The following AFDN variants were observed in gnomAD, a reference collection of about 807,000 sequenced individuals.
AFDN encodes the protein afadin, adherens junction formation factor.
A neutral mutation model predicts 216.6 loss-of-function variants in AFDN; 68 were observed. The ratio of observed to expected loss-of-function variants is 0.31; its 90% confidence interval spans 0.26 to 0.38. AFDN has a LOEUF of 0.38. Ranked by LOEUF, AFDN falls within the 10% of genes least tolerant of loss-of-function variation. The pLI is 1.00. For missense variants in AFDN, 2,136 were observed against 2,342.0 expected, an observed-to-expected ratio of 0.91 and a Z score of 1.82; for synonymous variants, 868 against 853.7, an observed-to-expected ratio of 1.02 and a Z score of -0.29.
intron 24 of AFDN, 88 bp downstream of exon 24, chr6:167,943,282 G>A (rs919040930): frequency 1.4e-6 from 2 of 1,423,034 alleles, no homozygotes; most frequent in South Asian, 2.3e-5. Flanking sequence ...TTCTAGTTAT[G>A]TAGCACTATA....
At chr6:167,916,040 T>C (rs752695498) in intron 19 of AFDN, among the ~76,000 whole-genome samples, 2 of 152,200 alleles carry the variant, frequency 1.3e-5, no homozygotes, top group Non-Finnish European at 2.9e-5. Context: ...TCCACAGCCC[T>C]GGAGGCCAGA....
At chr6:167,878,055 T>C (rs1785605950) in intron 5 of AFDN, among the ~76,000 whole-genome samples, 1 of 152,206 alleles carries the variant, frequency 6.6e-6, no homozygotes, top group Admixed American at 6.5e-5. Context: ...AATACTCTAC[T>C]ACCATTTATT....
In AFDN at chr6:167,889,266, A is replaced by G; in HGVS notation, c.949A>G (p.Ile317Val). Reference sequence around the variant, plus strand: ...TTCTGATGAAAAGGGTGCTAAAGAAATTATTCTTGATGATGATGAGTGTCC... The same window carrying G: ...TTCTGATGAAAAGGGTGCTAAAGAAGTTATTCTTGATGATGATGAGTGTCC... The part of the protein sequence containing the change: ...QHSDEKGAKE[I>V]ILDDDECPLQ... Residue 317 changes from isoleucine (I) to valine (V), a missense_variant, in exon 7 of 34, where the codon ATT (isoleucine) becomes GTT (valine). Transcript: ENST00000683244. 3 of 1,614,128 alleles carry G rather than the reference A, an allele frequency of 1.9e-6. No homozygotes were observed. Among genetic ancestry groups the G allele is most frequent in the Non-Finnish European group, 2.5e-6 (3 of 1,179,986 alleles).
At chr6:167,914,436 G>A in intron 17 of AFDN, 123 bp downstream of exon 17, 1 of 1,325,378 alleles carries the variant, frequency 7.5e-7, no homozygotes, top group South Asian at 1.5e-5. Flanking sequence ...ATATAAAGAA[G>A]CATACATTTT....
At chr6:167,964,640 G>A (rs1797360273) in intron 31 of AFDN, 1 of 1,063,580 alleles carries the variant, frequency 9.4e-7, no homozygotes, top group Non-Finnish European at 1.1e-6. Context: ...GTGTGTGTGT[G>A]TGTGTGTGTG....
Position 167,889,285 on chromosome 6 carries a change from A to T in AFDN, c.968A>T (p.Glu323Val), listed in dbSNP as rs1038659330. 1.9e-5 allele frequency: 31 copies of T among 1,613,884 alleles called. No homozygotes were observed. In the Admixed American group the frequency reaches 4.8e-4, roughly 25 times the overall value. Residue 323 changes from glutamate to valine, a missense_variant, in exon 7 of 34, where the codon GAG becomes GTG. Physicochemically the swap from Glu to Val is moderately radical, Grantham distance 121 (BLOSUM62 -2). This residue lies in a region of AFDN where 817 missense variants were observed against 965.7 expected (regional missense o/e 0.85). Coordinates refer to ENST00000683244, the MANE Select transcript of AFDN (RefSeq NM_001386888.1). ...GAKEIILDDD[E>V]CPLQIFREWP... is the part of the protein sequence containing the mutation. ...AAAGAAATTATTCTTGATGATGATG[A>T]GTGTCCTTTACAAATCTTCAGGGAA...
At chr6:167,894,788 T>C (rs1229986427) in intron 9 of AFDN, among the ~76,000 whole-genome samples, 1 of 152,216 alleles carries the variant, frequency 6.6e-6, no homozygotes, top group African/African-American at 2.4e-5. Context: ...AATCTGTTGA[T>C]GTAGAAAGGT....
chr6:167,895,349 T>C (rs767228343), intron 9 of AFDN, among the ~76,000 whole-genome samples: 17 of 152,230 alleles, frequency 1.1e-4, no homozygotes, highest in Non-Finnish European at 1.9e-4. Context: ...ACTCAGCAGG[T>C]CTAGAAGGGA....
intron 30 of AFDN, among the ~76,000 whole-genome samples, chr6:167,960,836 G>GC (rs1796964984): frequency 6.6e-6 from 1 of 152,140 alleles, no homozygotes; most frequent in Non-Finnish European, 1.5e-5. Context: ...CCTGCTATAA[G>GC]CCCCCTAAAA....
chr6:167,952,239 TC>T (rs1186670833), intron 30 of AFDN, 52 bp downstream of exon 30: 1 of 1,612,890 alleles, frequency 6.2e-7, no homozygotes, highest in Admixed American at 1.7e-5. Flanking sequence ...TATTTTAGCT[TC>T]TGCGTGTTTC....
chr6:167,861,558 G>T (rs1319453236), intron 1 of AFDN, among the ~76,000 whole-genome samples: 9 of 152,046 alleles, frequency 5.9e-5, no homozygotes, highest in Non-Finnish European at 1.3e-4. Context: ...TTTTATGTTT[G>T]CAGTTTCCTT....
Position 167,896,891 on chromosome 6 carries a change from T to C in AFDN, c.1236T>C (p.Ser412=), listed in dbSNP as rs778500475. The C allele has an allele frequency of 4.3e-6, 7 of 1,612,178 alleles. No homozygotes were observed. The highest frequency in any genetic ancestry group is 1.1e-5 in the South Asian group (1 of 91,016). ...CTCTTCTCACAGATGGTTCTGACTC[T>C]AGAGATAAGCCAAAGCTTTACCGCC... ...NYHTYEDGSD[S]RDKPKLYRLQ... The change falls in exon 10 of 34, where the codon TCT becomes TCC. Residue 412 remains serine (S), a synonymous_variant. Coordinates refer to ENST00000683244, the MANE Select transcript of AFDN (RefSeq NM_001386888.1).
intron 1 of AFDN, among the ~76,000 whole-genome samples, chr6:167,830,130 A>G (rs1416843539): frequency 6.6e-6 from 1 of 152,192 alleles, no homozygotes; most frequent in African/African-American, 2.4e-5. Context: ...AAGTATGTAT[A>G]GTCCCTCCTT....
intron 1 of AFDN, among the ~76,000 whole-genome samples, chr6:167,853,208 A>T (rs1192470690): frequency 6.6e-6 from 1 of 151,954 alleles, no homozygotes; most frequent in Non-Finnish European, 1.5e-5. Flanking sequence ...GCTTTTACTT[A>T]ATTTATTTAA....
intron 1 of AFDN, among the ~76,000 whole-genome samples, chr6:167,837,743 C>T (rs1219476336): frequency 6.6e-6 from 1 of 152,138 alleles, no homozygotes; most frequent in African/African-American, 2.4e-5. Context: ...ACTAGTAAGC[C>T]ACAGAGCAGT....
intron 26 of AFDN, 28 bp from the exon 27 acceptor site, chr6:167,946,677 TAA>T (rs769836944): frequency 3.1e-6 from 5 of 1,595,194 alleles, no homozygotes; most frequent in Non-Finnish European, 3.4e-6. Flanking sequence ...AATAAAATCT[TAA>T]GAGATACTGA....
rs550269803 is a variant in AFDN, at chr6:167,938,326, A to C, written c.3100-4803A>C. The stretch of plus-strand genomic sequence containing the variant: ...GACGAGAGAGGTTCATGGAGCTGTG[A>C]ATAACTTATGCAGGAAGCTGCTGTG... On this transcript the variant is annotated intron_variant, in intron 23 of 33. Coordinates refer to ENST00000683244, the MANE Select transcript of AFDN (RefSeq NM_001386888.1). Among the ~76,000 whole-genome samples, 8 of 152,300 alleles carry C rather than the reference A, an allele frequency of 5.3e-5. No individual in the cohort carries two copies. In the South Asian group the frequency reaches 1.7e-3, roughly 32 times the overall value.
At position 167,929,711 on chromosome 6, in the gene AFDN, G is replaced by A. The variant is rs186221487; in HGVS notation, c.3099+4620G>A. On this transcript the variant is annotated intron_variant, in intron 23 of 33. Coordinates refer to ENST00000683244, the MANE Select transcript of AFDN (RefSeq NM_001386888.1). ...AGACGGGAAGAGGTAGAGAGTGGCTGGAAAGGCCCTGCTCTTCCCTTTGCT... is the reference window on the plus strand; with the variant it reads ...AGACGGGAAGAGGTAGAGAGTGGCTAGAAAGGCCCTGCTCTTCCCTTTGCT... Among the ~76,000 whole-genome samples the A allele has an allele frequency of 4.9e-3, 743 of 152,336 alleles. 1 individual carries two copies. Among genetic ancestry groups the A allele is most frequent in the Middle Eastern group, 6.8e-3 (2 of 294 alleles).
Position 167,918,938 on chromosome 6 carries a change from A to G in AFDN, c.2908+5A>G, listed in dbSNP as rs753004136. 6.2e-7 allele frequency: 1 copy of G among 1,610,740 alleles called. No individual in the cohort carries two copies. The highest frequency in any genetic ancestry group is 1.7e-5 in the Admixed American group (1 of 59,874). ...TAGACCCTCTGTGCCAGAGAGGTAA[A>G]TTAGTCTAAATGCCTGAGTCTGAGC... On this transcript the variant is annotated splice_donor_5th_base_variant and intron_variant, in intron 21 of 33. Transcript: ENST00000683244.
Sources: gnomAD v4.1 joint callset for allele counts (sites outside exome capture counted in the v4.1 genomes callset) on GRCh38, gnomAD v4.1.1 for gene constraint, gnomAD v4.1.1 regional missense constraint, MANE v1.5 for transcripts, NCBI Gene and HGNC (gene_info 2026-07-23, HGNC 2026-07-21) for gene names.